Variants in EXD3 observed in about 807,000 individuals in gnomAD.
The protein encoded by EXD3 is exonuclease 3'-5' domain containing 3.
A neutral mutation model predicts 98.0 loss-of-function variants in EXD3; 92 were observed. That is an observed-to-expected ratio of 0.94 (90% CI 0.79 to 1.12). The LOEUF (loss-of-function observed/expected upper bound fraction) is 1.12. Ranked by LOEUF, EXD3 falls within the 50% of genes most tolerant of loss-of-function variation. The probability of loss-of-function intolerance (pLI) is 0.00; values close to 1 mark genes in which losing one functional copy is unlikely to be tolerated. For missense variants in EXD3, 1,222 were observed against 1,191.6 expected, an observed-to-expected ratio of 1.03 and a Z score of -0.38; for synonymous variants, 569 against 526.0, an observed-to-expected ratio of 1.08 and a Z score of -1.12.
At chr9:137,326,580 T>C (rs958761049) in intron 17 of EXD3, among the ~76,000 whole-genome samples, 2 of 152,106 alleles carry the variant, frequency 1.3e-5, no homozygotes, top group South Asian at 2.1e-4. Flanking sequence ...TTCAAAGATA[T>C]ACGCGTGGCC....
intron 17 of EXD3, among the ~76,000 whole-genome samples, chr9:137,328,568 T>C (rs1216517640): frequency 6.9e-6 from 1 of 144,736 alleles, no homozygotes; most frequent in Non-Finnish European, 1.5e-5. Flanking sequence ...AGAAACAGAC[T>C]AGTTACACAG....
intron 1 of EXD3, among the ~76,000 whole-genome samples, chr9:137,419,352 C>T (rs1416075856): frequency 1.3e-5 from 2 of 152,228 alleles, no homozygotes; most frequent in Admixed American, 6.5e-5. Flanking sequence ...CAGAAAATTA[C>T]TGTTTTACTT....
intron 3 of EXD3, among the ~76,000 whole-genome samples, chr9:137,382,852 C>T (rs917812813): frequency 3.9e-5 from 6 of 152,192 alleles, no homozygotes; most frequent in Admixed American, 2.0e-4. Flanking sequence ...CACAGGGGGC[C>T]GGCCCTCCCT....
At chr9:137,397,664 C>G (rs1467524790) in intron 1 of EXD3, among the ~76,000 whole-genome samples, 1 of 152,168 alleles carries the variant, frequency 6.6e-6, no homozygotes, top group Non-Finnish European at 1.5e-5. Flanking sequence ...ACAGAATGAA[C>G]AGAAAACATG....
chr9:137,312,284 C>T (rs999103192), intron 19 of EXD3, among the ~76,000 whole-genome samples: 2 of 143,954 alleles, frequency 1.4e-5, no homozygotes, highest in African/African-American at 5.0e-5. Context: ...CAGAGCCTGA[C>T]TGGGAGGGCG....
rs183369140 is a variant in EXD3, at chr9:137,310,862, G to A, written c.2185-1162C>T. 2.5e-3 allele frequency among the ~76,000 whole-genome samples: 377 copies of A among 152,328 alleles called. 5 individuals carry two copies. Among genetic ancestry groups the A allele is most frequent in the Non-Finnish European group, 6.0e-4 (41 of 68,008 alleles). ...GCTTCCAGGCCATCTGTGCAGGGGA[G>A]CAGGGAAGAGGAGGCCGAGATCCAT... On this transcript the variant is annotated intron_variant, in intron 19 of 21. Transcript: ENST00000340951.
At chr9:137,387,055 C>A (rs1442636438) in intron 2 of EXD3, among the ~76,000 whole-genome samples, 1 of 151,814 alleles carries the variant, frequency 6.6e-6, no homozygotes, top group Non-Finnish European at 1.5e-5. Context: ...CCTCAGCACC[C>A]CTGCTCCGTG....
intron 17 of EXD3, among the ~76,000 whole-genome samples, chr9:137,332,419 C>G (rs1357820746): frequency 6.6e-6 from 1 of 151,532 alleles, no homozygotes; most frequent in Non-Finnish European, 1.5e-5. Context: ...GAAACCCCAT[C>G]TCTACTAAAA....
intron 21 of EXD3, 96 bp downstream of exon 21, chr9:137,307,512 G>T: frequency 6.7e-7 from 1 of 1,491,276 alleles, no homozygotes. Flanking sequence ...AGCCCCCTCT[G>T]CCCGGCCGGG....
chr9:137,373,794 T>A (rs1006827248), intron 3 of EXD3, among the ~76,000 whole-genome samples, 195 bp from the exon 4 acceptor site: 6 of 152,132 alleles, frequency 3.9e-5, no homozygotes, highest in African/African-American at 4.8e-5. Flanking sequence ...CCAGGGGCGG[T>A]GGTCATTGTC....
intron 3 of EXD3, among the ~76,000 whole-genome samples, chr9:137,379,470 A>G (rs1192499533): frequency 7.4e-4 from 77 of 103,754 alleles, no homozygotes; most frequent in African/African-American, 2.7e-3. Flanking sequence ...CGTCTGTGTG[A>G]GGGGTACGGG....
chr9:137,410,756 T>C (rs1441127573), intron 1 of EXD3, among the ~76,000 whole-genome samples: 2 of 152,146 alleles, frequency 1.3e-5, no homozygotes, highest in East Asian at 1.9e-4. Flanking sequence ...ACGGGGGACG[T>C]GCCTGACTCA....
Position 137,409,946 on chromosome 9 carries a change from G to C in EXD3, c.-48+13168C>G, listed in dbSNP as rs932059680. Among the ~76,000 whole-genome samples, 58 of 152,350 alleles carry C rather than the reference G, an allele frequency of 3.8e-4. 1 individual carries two copies. The highest frequency in any genetic ancestry group is 1.3e-3 in the African/African-American group (56 of 41,582). On this transcript the variant is annotated intron_variant, in intron 1 of 21. Coordinates refer to ENST00000340951, the MANE Select transcript of EXD3 (RefSeq NM_017820.5). ...AATCCCAGCACTTTAGGAGGCTGAG[G>C]CGGACGGATCACAAGGTCAGTAGTT... is the stretch of plus-strand genomic sequence containing the variant.
intron 17 of EXD3, among the ~76,000 whole-genome samples, chr9:137,328,588 GGGACTACACGGGAC>G (rs1832644057): frequency 5.0e-5 from 1 of 19,902 alleles, no homozygotes; most frequent in Non-Finnish European, 1.1e-4. Context: ...GGAGCTACAC[GGGACTACACGGGAC>G]TACACGGGGC....
At chr9:137,418,331 C>G (rs924483353) in intron 1 of EXD3, among the ~76,000 whole-genome samples, 2 of 152,208 alleles carry the variant, frequency 1.3e-5, no homozygotes, top group Non-Finnish European at 2.9e-5. Context: ...GCCTGGGCGA[C>G]AAGAGCGAGA....
intron 2 of EXD3, chr9:137,392,813 G>A: frequency 2.7e-6 from 1 of 368,162 alleles, no homozygotes; most frequent in South Asian, 2.1e-5. Context: ...CTGTGGGGGG[G>A]CGCCGTGTCT....
chr9:137,414,518 T>C (rs1331481362), intron 1 of EXD3, among the ~76,000 whole-genome samples: 3 of 152,160 alleles, frequency 2.0e-5, no homozygotes, highest in African/African-American at 4.8e-5. Flanking sequence ...GTTTAGCTTT[T>C]TGAGGAACTA....
At chr9:137,375,792 C>T (rs773742607) in intron 3 of EXD3, among the ~76,000 whole-genome samples, 3 of 152,122 alleles carry the variant, frequency 2.0e-5, no homozygotes, top group Non-Finnish European at 4.4e-5. Flanking sequence ...TGCCGGGACA[C>T]GTGGGCCCTA....
chr9:137,345,384 G>A (rs1048516557), intron 17 of EXD3, among the ~76,000 whole-genome samples: 2 of 152,308 alleles, frequency 1.3e-5, no homozygotes, highest in South Asian at 2.1e-4. Context: ...AGATCCTGCC[G>A]GGTGTGGTGG....
Sources: allele counts gnomAD v4.1 joint callset (sites outside exome capture counted in the v4.1 genomes callset), GRCh38; gene constraint gnomAD v4.1.1; transcripts MANE v1.5; gene names NCBI Gene and HGNC (gene_info 2026-07-23, HGNC 2026-07-21).